Variants in CCDC192 observed in about 807,000 individuals in gnomAD.
CCDC192 encodes coiled-coil domain-containing protein 192.
chr5:127,778,102 T>C (rs1343867582), intron 3 of CCDC192, among the ~76,000 whole-genome samples: 1 of 152,194 alleles, frequency 6.6e-6, no homozygotes, highest in African/African-American at 2.4e-5. Context: ...GTTTCCAATG[T>C]GGATGTCTTA....
At chr5:127,761,273 AG>A (rs1372040729) in intron 3 of CCDC192, among the ~76,000 whole-genome samples, 1 of 152,242 alleles carries the variant, frequency 6.6e-6, no homozygotes, top group East Asian at 1.9e-4. Context: ...TACTATATCT[AG>A]AAGTGGGAAC....
At position 127,837,727 on chromosome 5, in the gene CCDC192, C is replaced by T. The variant is rs149599392; in HGVS notation, c.412-37811C>T. Among the ~76,000 whole-genome samples, 602 of 152,318 alleles carry T rather than the reference C, an allele frequency of 4.0e-3. 9 individuals are homozygous for T. Among genetic ancestry groups the T allele is most frequent in the African/African-American group, 0.013 (549 of 41,576 alleles). On this transcript the variant is annotated intron_variant, in intron 5 of 6. Coordinates refer to ENST00000514853, the MANE Select transcript of CCDC192 (RefSeq NM_001317938.2). ...AGATTCTGGCTAATTCAGTGGCTCACACCTGTAATCCCAGCACTTTGGGAG... is the reference window on the plus strand; with the variant it reads ...AGATTCTGGCTAATTCAGTGGCTCATACCTGTAATCCCAGCACTTTGGGAG...
chr5:127,733,786 C>A (rs906211575), intron 2 of CCDC192, among the ~76,000 whole-genome samples: 2 of 151,526 alleles, frequency 1.3e-5, no homozygotes, highest in African/African-American at 4.8e-5. Flanking sequence ...TCCACCAAGC[C>A]AGATTCCACG....
intron 2 of CCDC192, among the ~76,000 whole-genome samples, chr5:127,731,533 AC>A (rs1183407996): frequency 6.6e-6 from 1 of 152,206 alleles, no homozygotes; most frequent in African/African-American, 2.4e-5. Flanking sequence ...TTCATACAGA[AC>A]CAAAAAAGAG....
intron 6 of CCDC192, among the ~76,000 whole-genome samples, chr5:127,938,814 T>A (rs1411392272): frequency 6.6e-6 from 1 of 152,184 alleles, no homozygotes; most frequent in Admixed American, 6.5e-5. Context: ...GTGACTACTG[T>A]ATTGGACAGC....
chr5:127,860,053 G>A (rs1751291427), intron 5 of CCDC192, among the ~76,000 whole-genome samples: 1 of 152,150 alleles, frequency 6.6e-6, no homozygotes. Flanking sequence ...TCAAGACTCA[G>A]CTCAGGTAAT....
upstream of CCDC192, among the ~76,000 whole-genome samples, chr5:127,702,508 C>T (rs764878549): frequency 1.3e-5 from 2 of 152,180 alleles, no homozygotes; most frequent in Non-Finnish European, 2.9e-5. Context: ...GCTAATTATA[C>T]TCTTTAATAG....
intron 5 of CCDC192, among the ~76,000 whole-genome samples, chr5:127,875,034 TC>T (rs1201031187): frequency 2.0e-5 from 3 of 151,976 alleles, no homozygotes; most frequent in African/African-American, 7.3e-5. Context: ...CCTGTATGGA[TC>T]CCATACTAAA....
intron 6 of CCDC192, among the ~76,000 whole-genome samples, chr5:127,881,897 G>A (rs996068539): frequency 6.6e-6 from 1 of 152,132 alleles, no homozygotes; most frequent in African/African-American, 2.4e-5. Flanking sequence ...CCACCTTTTG[G>A]TACACTTCAG....
At chr5:127,865,297 G>T (rs1751562420) in intron 5 of CCDC192, among the ~76,000 whole-genome samples, 1 of 152,140 alleles carries the variant, frequency 6.6e-6, no homozygotes, top group Admixed American at 6.6e-5. Context: ...CAGCTGAAAT[G>T]TTGAGTATGA....
At chr5:127,911,185 A>G (rs757996677) in intron 6 of CCDC192, among the ~76,000 whole-genome samples, 3 of 152,232 alleles carry the variant, frequency 2.0e-5, no homozygotes, top group South Asian at 2.1e-4. Context: ...ATGTATGTCA[A>G]CAAATATTTG....
chr5:127,784,534 G>A, intron 3 of CCDC192: 1 of 385,182 alleles, frequency 2.6e-6, no homozygotes, highest in South Asian at 2.3e-5. Context: ...CAGGCTGGCT[G>A]CTGTAAACTT....
intron 6 of CCDC192, among the ~76,000 whole-genome samples, chr5:127,880,592 T>TA (rs1298735974): frequency 6.6e-6 from 1 of 150,404 alleles, no homozygotes; most frequent in Non-Finnish European, 1.5e-5. Flanking sequence ...CCCTAAAACT[T>TA]AAAGTATAAT....
chr5:127,859,952 AATGC>A lies in CCDC192; in HGVS notation c.412-15585_412-15582del, dbSNP rs528554775. On this transcript the variant is annotated intron_variant, in intron 5 of 6. Transcript: ENST00000514853. ...ATCTCATGTGGTTCCTTACCTAGAC[AATGC>A]TATTTATCAACCTCCAGTTTTGTGC... Among the ~76,000 whole-genome samples, 13 of 152,200 alleles carry A rather than the reference AATGC, an allele frequency of 8.5e-5. No homozygotes were observed. In the East Asian group the frequency reaches 2.5e-3, roughly 29 times the overall value.
At chr5:127,726,520 T>C (rs1752332432) in intron 2 of CCDC192, among the ~76,000 whole-genome samples, 2 of 152,172 alleles carry the variant, frequency 1.3e-5, no homozygotes, top group South Asian at 4.1e-4. Context: ...AACAAGAAGG[T>C]CGCCCAGAGA....
intron 5 of CCDC192, among the ~76,000 whole-genome samples, chr5:127,855,631 T>C (rs564785277): frequency 6.6e-6 from 1 of 152,210 alleles, no homozygotes; most frequent in Non-Finnish European, 1.5e-5. Context: ...AGAATCACCA[T>C]CTATGGAAGC....
intron 3 of CCDC192, among the ~76,000 whole-genome samples, chr5:127,760,909 G>A (rs1343176555): frequency 1.3e-5 from 2 of 152,022 alleles, no homozygotes; most frequent in African/African-American, 4.8e-5. Flanking sequence ...AAGAGGTGGG[G>A]ATAAATTACC....
intron 3 of CCDC192, among the ~76,000 whole-genome samples, chr5:127,780,050 A>G (rs764457171): frequency 6.6e-6 from 1 of 152,138 alleles, no homozygotes; most frequent in African/African-American, 2.4e-5. Context: ...GGTTGCTGCA[A>G]ATGCCATTAA....
intron 5 of CCDC192, among the ~76,000 whole-genome samples, chr5:127,815,600 G>T (rs906272678): frequency 1.3e-5 from 2 of 152,114 alleles, no homozygotes; most frequent in Non-Finnish European, 2.9e-5. Context: ...TGGCTATGGC[G>T]GCTCACACCT....
Sources: gnomAD v4.1 joint callset for allele counts (sites outside exome capture counted in the v4.1 genomes callset) on GRCh38, gnomAD v4.1.1 for gene constraint, MANE v1.5 for transcripts, NCBI Gene and HGNC (gene_info 2026-07-23, HGNC 2026-07-21) for gene names.